The following CAMK1D variants were observed in gnomAD, a reference collection of about 807,000 sequenced individuals.
The protein encoded by CAMK1D is calcium/calmodulin-dependent protein kinase type 1D.
Under a neutral mutation model 47.7 loss-of-function variants are expected in CAMK1D, and 9 were observed. The observed-to-expected ratio is 0.19, with a 90% confidence interval of 0.11 to 0.33. The LOEUF (loss-of-function observed/expected upper bound fraction) is 0.33. Ranked by LOEUF, CAMK1D falls within the 10% of genes least tolerant of loss-of-function variation. CAMK1D has a pLI of 1.00. For missense variants in CAMK1D, 291 were observed against 488.7 expected (o/e 0.60, Z 3.81); for synonymous variants, 184 against 184.9 (o/e 0.99, Z 0.04).
At chr10:12,404,829 C>T (rs569708054) in intron 1 of CAMK1D, among the ~76,000 whole-genome samples, 1 of 151,904 alleles carries the variant, frequency 6.6e-6, no homozygotes, top group South Asian at 2.1e-4. Context: ...GCTGGGACTG[C>T]AAGCATGCGC....
intron 1 of CAMK1D, among the ~76,000 whole-genome samples, chr10:12,354,155 T>C (rs1288971305): frequency 6.6e-6 from 1 of 151,972 alleles, no homozygotes; most frequent in Non-Finnish European, 1.5e-5. Flanking sequence ...CCCTAGAAAA[T>C]GGATCTTCAT....
chr10:12,557,711 C>T (rs888995474), intron 2 of CAMK1D, among the ~76,000 whole-genome samples: 2 of 151,988 alleles, frequency 1.3e-5, no homozygotes, highest in Admixed American at 6.6e-5. Flanking sequence ...TTGATTTCCA[C>T]GCTATTTGTG....
intron 6 of CAMK1D, among the ~76,000 whole-genome samples, chr10:12,812,167 A>G (rs1016909356): frequency 1.3e-5 from 2 of 152,194 alleles, no homozygotes; most frequent in African/African-American, 4.8e-5. Context: ...TCTAACCTGT[A>G]TTGCATTTCT....
chr10:12,740,752 T>C (rs943300492), intron 3 of CAMK1D, among the ~76,000 whole-genome samples: 1 of 152,144 alleles, frequency 6.6e-6, no homozygotes, highest in Non-Finnish European at 1.5e-5. Flanking sequence ...TTTGGAGAGA[T>C]CTCTGTTTTG....
chr10:12,448,300 C>G (rs376913727), intron 1 of CAMK1D, among the ~76,000 whole-genome samples: 1 of 151,284 alleles, frequency 6.6e-6, no homozygotes, highest in East Asian at 1.9e-4. Context: ...GTTGGGATTA[C>G]AAGCGTGAGC....
At chr10:12,447,934 C>A (rs1588495830) in intron 1 of CAMK1D, among the ~76,000 whole-genome samples, 1 of 152,156 alleles carries the variant, frequency 6.6e-6, no homozygotes, top group Admixed American at 6.5e-5. Flanking sequence ...CTCACTGAAA[C>A]CTCTGCCTTT....
chr10:12,801,724 A>G (rs1487998319), intron 6 of CAMK1D, among the ~76,000 whole-genome samples: 1 of 152,126 alleles, frequency 6.6e-6, no homozygotes, highest in Admixed American at 6.6e-5. Context: ...CCTATCATCT[A>G]TCTATATCTA....
chr10:12,732,208 T>A (rs891963509), intron 3 of CAMK1D, among the ~76,000 whole-genome samples: 1 of 152,110 alleles, frequency 6.6e-6, no homozygotes, highest in Non-Finnish European at 1.5e-5. Context: ...GCCATTGCAC[T>A]CCAGCCTGGG....
intron 2 of CAMK1D, among the ~76,000 whole-genome samples, chr10:12,558,568 A>AAAGAAGAAGAAGAAAG (rs1231059184): frequency 6.6e-6 from 1 of 151,950 alleles, no homozygotes; most frequent in African/African-American, 2.4e-5. Context: ...AAAAAAAAAT[A>AAAGAAGAAGAAGAAAG]CAATAATTTC....
At chr10:12,384,060 C>T (rs1411024870) in intron 1 of CAMK1D, among the ~76,000 whole-genome samples, 2 of 151,820 alleles carry the variant, frequency 1.3e-5, no homozygotes, top group Non-Finnish European at 2.9e-5. Flanking sequence ...TATATGCTAG[C>T]AAGGAAAAAT....
chr10:12,404,232 G>A (rs1321068491), intron 1 of CAMK1D, among the ~76,000 whole-genome samples: 2 of 151,954 alleles, frequency 1.3e-5, no homozygotes, highest in South Asian at 2.1e-4. Flanking sequence ...TTTAGTAGAG[G>A]TAGGGTTTCT....
chr10:12,824,965 C>G (rs1407251269), intron 9 of CAMK1D, among the ~76,000 whole-genome samples: 1 of 152,100 alleles, frequency 6.6e-6, no homozygotes, highest in East Asian at 1.9e-4. Flanking sequence ...CTGTTGATTA[C>G]CTGACTTCCT....
At chr10:12,436,822 T>C (rs1832647070) in intron 1 of CAMK1D, among the ~76,000 whole-genome samples, 1 of 152,158 alleles carries the variant, frequency 6.6e-6, no homozygotes, top group Non-Finnish European at 1.5e-5. Context: ...TAAGTGCCCA[T>C]GCGTTGGTCC....
At chr10:12,470,035 A>G (rs1224417031) in intron 1 of CAMK1D, among the ~76,000 whole-genome samples, 1 of 152,230 alleles carries the variant, frequency 6.6e-6, no homozygotes, top group African/African-American at 2.4e-5. Context: ...ACTTGAAGAT[A>G]TGTCTAAATG....
intron 4 of CAMK1D, among the ~76,000 whole-genome samples, chr10:12,763,982 G>T (rs1347359520): frequency 1.3e-5 from 2 of 152,162 alleles, no homozygotes; most frequent in East Asian, 3.9e-4. Flanking sequence ...TGGGATCGGG[G>T]ATGGGGCCTC....
chr10:12,567,907 G>A (rs1395484398), intron 2 of CAMK1D, among the ~76,000 whole-genome samples: 1 of 152,136 alleles, frequency 6.6e-6, no homozygotes, highest in African/African-American at 2.4e-5. Flanking sequence ...TAAAACTTAG[G>A]AGGCAAATCT....
chr10:12,607,309 T>C (rs781526770), intron 2 of CAMK1D, among the ~76,000 whole-genome samples: 6 of 152,210 alleles, frequency 3.9e-5, no homozygotes, highest in Non-Finnish European at 8.8e-5. Context: ...TCTCATTCTG[T>C]GCATTAGTGA....
At chr10:12,467,573 T>C (rs967544507) in intron 1 of CAMK1D, among the ~76,000 whole-genome samples, 4 of 152,158 alleles carry the variant, frequency 2.6e-5, no homozygotes, top group Non-Finnish European at 5.9e-5. Flanking sequence ...TGTCAAAATA[T>C]TTTCACCTCT....
rs540217807 is a variant in CAMK1D at position 12,367,715 on chromosome 10, C to T, written c.92+17805C>T. 1.2e-4 allele frequency among the ~76,000 whole-genome samples: 18 copies of T among 152,120 alleles called. No homozygotes were observed. The East Asian group carries it at 2.5e-3, about 21-fold the overall frequency. The stretch of plus-strand genomic sequence containing the variant: ...CTTGTGTTCTGATGAGACTCTAATG[C>T]CACCGCTGACTGAACGGGAGGTGGA... On this transcript the variant is annotated intron_variant, in intron 1 of 10. Coordinates refer to ENST00000619168, the MANE Select transcript of CAMK1D (RefSeq NM_153498.4).
Sources: gnomAD v4.1 joint callset for allele counts (sites outside exome capture counted in the v4.1 genomes callset) on GRCh38, gnomAD v4.1.1 for gene constraint, MANE v1.5 for transcripts, NCBI Gene and HGNC (gene_info 2026-07-23, HGNC 2026-07-21) for gene names.